Variants in HMCN1 observed in about 807,000 individuals in gnomAD.
The protein encoded by HMCN1 is hemicentin-1.
Under a neutral mutation model 625.9 loss-of-function variants are expected in HMCN1, and 321 were observed. The observed-to-expected ratio is 0.51, with a 90% CI of 0.47 to 0.56. The LOEUF (loss-of-function observed/expected upper bound fraction) is 0.56. Among genes scored for constraint, HMCN1 ranks in the 20% least tolerant of loss-of-function variants. The pLI is 0.00. For missense variants in HMCN1, 6,588 were observed against 6,887.3 expected, an observed-to-expected ratio of 0.96 and a Z score of 1.54; for synonymous variants, 2,425 against 2,417.6, an observed-to-expected ratio of 1.00 and a Z score of -0.09.
At chr1:186,034,240 C>A (rs559485261) in intron 36 of HMCN1, among the ~76,000 whole-genome samples, 104 of 152,276 alleles carry the variant, frequency 6.8e-4, no homozygotes, top group South Asian at 1.7e-3. Flanking sequence ...GGCAAGGGAA[C>A]AGATTCTTCT....
intron 41 of HMCN1, 106 bp downstream of exon 41, chr1:186,045,969 C>G (rs548566982): frequency 2.7e-5 from 22 of 828,308 alleles, no homozygotes; most frequent in Non-Finnish European, 2.7e-5. Flanking sequence ...GACTAATTTT[C>G]TCTTACAAAA....
rs78377338 is a variant in HMCN1, at chr1:186,043,717, A to G, written c.6305-1971A>G. ...TCCAAGCTGTGAAATCAGCTATTCT[A>G]TTTTGGGCTTCCTGAGTGCTAGGAC... is the stretch of plus-strand genomic sequence containing the variant. On this transcript the variant is annotated intron_variant, in intron 40 of 106. Transcript: ENST00000271588. Among the ~76,000 whole-genome samples, 970 of 152,178 alleles carry G rather than the reference A, an allele frequency of 6.4e-3. 14 individuals are homozygous for G. Among genetic ancestry groups the G allele is most frequent in the African/African-American group, 0.022 (899 of 41,542 alleles).
Position 186,017,077 on chromosome 1 carries a change from G to T in HMCN1, c.5300+6G>T. 1 of 1,502,452 alleles carries T rather than the reference G, an allele frequency of 6.7e-7. No individual in the cohort carries two copies. The highest frequency in any genetic ancestry group is 9.3e-7 in the Non-Finnish European group (1 of 1,078,642). The allele number at this position is 1,502,452 out of a possible 1,614,324, so 93.1% of individuals were successfully genotyped here. A position where few individuals can be genotyped will look rare whatever the true frequency, so the allele number is the denominator to read the frequency against. On this transcript the variant is annotated splice_donor_region_variant and intron_variant, in intron 33 of 106. Coordinates refer to ENST00000271588, the MANE Select transcript of HMCN1 (RefSeq NM_031935.3). ...TCTCCCCCACCAACTATCATGTAAG[G>T]GTTTTGGTATGTCTTCTAAATACCT...
intron 73 of HMCN1, 97 bp from the exon 74 acceptor site, chr1:186,114,722 A>G (rs1292991748): frequency 2.1e-6 from 3 of 1,413,574 alleles, no homozygotes; most frequent in Non-Finnish European, 3.0e-6. Flanking sequence ...AAAAATACTG[A>G]ATGGATTTCA....
rs548736878 is a variant in HMCN1, at chr1:185,775,264, G to A, written c.268+40217G>A. 1.7e-4 allele frequency among the ~76,000 whole-genome samples: 26 copies of A among 152,210 alleles called. No individual in the cohort carries two copies. The South Asian group carries it at 2.1e-3, about 12-fold the overall frequency. On this transcript the variant is annotated intron_variant, in intron 1 of 106. Transcript: ENST00000271588. Reference sequence around the variant, plus strand: ...AAGAAAAGAAATAATCCAGCCCATCGTTGTGGCACACACCTGTAGTCCCAG... The same window carrying A: ...AAGAAAAGAAATAATCCAGCCCATCATTGTGGCACACACCTGTAGTCCCAG...
At chr1:185,986,565 A>G (rs1652009496) in intron 19 of HMCN1, among the ~76,000 whole-genome samples, 1 of 152,232 alleles carries the variant, frequency 6.6e-6, no homozygotes, top group Non-Finnish European at 1.5e-5. Flanking sequence ...ATTATGATTT[A>G]CACAGAATGG....
chr1:185,791,725 TAAAC>T (rs142418524), intron 1 of HMCN1, among the ~76,000 whole-genome samples: 37 of 151,832 alleles, frequency 2.4e-4, no homozygotes, highest in African/African-American at 4.6e-4. Context: ...ATCTCAAAAA[TAAAC>T]AAACAAACAA....
intron 1 of HMCN1, among the ~76,000 whole-genome samples, chr1:185,796,663 C>T (rs1223406254): frequency 1.3e-5 from 2 of 151,320 alleles, no homozygotes; most frequent in East Asian, 3.9e-4. Context: ...TGTATACTCA[C>T]ATATATACAC....
At chr1:185,971,156 C>T (rs1322454181) in intron 15 of HMCN1, among the ~76,000 whole-genome samples, 1 of 152,090 alleles carries the variant, frequency 6.6e-6, no homozygotes, top group East Asian at 1.9e-4. Flanking sequence ...ATTCTGCCAC[C>T]GAATTTCTAA....
At chr1:186,026,997 C>T (rs1020772649) in intron 36 of HMCN1, among the ~76,000 whole-genome samples, 1 of 152,128 alleles carries the variant, frequency 6.6e-6, no homozygotes, top group Admixed American at 6.5e-5. Flanking sequence ...TGTGCATTTA[C>T]TACAGTTGTC....
At chr1:185,847,674 GCACAGTAGCT>G (rs1661908477) in intron 2 of HMCN1, among the ~76,000 whole-genome samples, 3 of 152,116 alleles carry the variant, frequency 2.0e-5, no homozygotes, top group Non-Finnish European at 1.5e-5. Flanking sequence ...TTGAGGCTGG[GCACAGTAGCT>G]CACGCCTGTA....
intron 1 of HMCN1, among the ~76,000 whole-genome samples, chr1:185,745,052 A>G (rs1300268605): frequency 1.3e-5 from 2 of 152,206 alleles, no homozygotes; most frequent in Non-Finnish European, 2.9e-5. Context: ...AATCTAAAAA[A>G]AAAGAAATAT....
At chr1:185,891,825 TTCTC>T in intron 4 of HMCN1, among the ~76,000 whole-genome samples, 1 of 147,938 alleles carries the variant, frequency 6.8e-6, no homozygotes, top group South Asian at 2.1e-4. Context: ...CTTTGTGGCG[TTCTC>T]TCTATTTCCT....
At chr1:185,743,929 T>G (rs1571292826) in intron 1 of HMCN1, among the ~76,000 whole-genome samples, 1 of 150,944 alleles carries the variant, frequency 6.6e-6, no homozygotes, top group South Asian at 2.1e-4. Flanking sequence ...ACTTATACAG[T>G]AAGACTAAAA....
intron 66 of HMCN1, 150 bp from the exon 67 acceptor site, chr1:186,094,126 C>T: frequency 1.4e-6 from 1 of 697,018 alleles, no homozygotes; most frequent in Non-Finnish European, 2.6e-6. Context: ...ATTTGAGGCC[C>T]CTATATTTTG....
At chr1:186,076,388 C>T in intron 53 of HMCN1, 40 bp from the exon 54 acceptor site, 1 of 1,559,978 alleles carries the variant, frequency 6.4e-7, no homozygotes, top group African/African-American at 1.4e-5. Context: ...TTTGTTTAAG[C>T]ATTTATATGT....
intron 1 of HMCN1, among the ~76,000 whole-genome samples, chr1:185,783,136 A>G (rs1432241336): frequency 7.2e-5 from 11 of 152,098 alleles, no homozygotes; most frequent in Non-Finnish European, 1.5e-4. Context: ...AGTTCATCGA[A>G]TCGGCTACTG....
intron 1 of HMCN1, among the ~76,000 whole-genome samples, chr1:185,820,328 G>C (rs961230743): frequency 3.9e-5 from 6 of 152,076 alleles, no homozygotes; most frequent in African/African-American, 1.4e-4. Context: ...GGGCATTAAA[G>C]CTATCAGGTC....
At position 186,019,600 on chromosome 1, in the gene HMCN1, G is replaced by A. The variant is rs748993057; in HGVS notation, c.5530G>A (p.Val1844Ile). ...GAGAGTTGTGGTAAAATACAAGCCTGTCGCCTTGCAGTGCATAGCCAATGG... is the reference window on the plus strand; with the variant it reads ...GAGAGTTGTGGTAAAATACAAGCCTATCGCCTTGCAGTGCATAGCCAATGG... ...SERVVVKYKP[V>I]ALQCIANGIP... The change falls in exon 35 of 107, where the codon GTC (valine) becomes ATC (isoleucine). Residue 1844 changes from valine (V) to isoleucine (I), a missense_variant. Coordinates refer to ENST00000271588, the MANE Select transcript of HMCN1 (RefSeq NM_031935.3). The A allele has an allele frequency of 6.9e-5, 111 of 1,609,860 alleles. No homozygotes were observed. The highest frequency in any genetic ancestry group is 1.6e-4 in the Middle Eastern group (1 of 6,066).
Sources: gnomAD v4.1 joint callset for allele counts (sites outside exome capture counted in the v4.1 genomes callset) on GRCh38, gnomAD v4.1.1 for gene constraint, MANE v1.5 for transcripts, NCBI Gene and HGNC (gene_info 2026-07-23, HGNC 2026-07-21) for gene names.